XPO6: variants seen among roughly 807,000 people sequenced by gnomAD.
The protein encoded by XPO6 is exportin-6.
A neutral mutation model predicts 130.0 loss-of-function variants in XPO6; 3 were observed. The observed-to-expected ratio is 0.02, with a 90% CI of 0.01 to 0.06. The LOEUF (loss-of-function observed/expected upper bound fraction) is 0.06, where lower values mean the gene tolerates loss of function less well. Among genes scored for constraint, XPO6 ranks in the 10% least tolerant of loss-of-function variants. The pLI, the probability that XPO6 is intolerant of heterozygous loss-of-function variation, is 1.00. For missense variants in XPO6, 970 were observed against 1,393.0 expected (o/e 0.70, Z 4.83); for synonymous variants, 524 against 548.9 (o/e 0.95, Z 0.63).
chr16:28,120,733 C>T (rs1022854333), intron 14 of XPO6, among the ~76,000 whole-genome samples: 1 of 152,200 alleles, frequency 6.6e-6, no homozygotes, highest in Non-Finnish European at 1.5e-5. Flanking sequence ...AAGTAAGATT[C>T]TCTTTCCATC....
intron 12 of XPO6, among the ~76,000 whole-genome samples, chr16:28,128,867 T>C (rs1056947629): frequency 1.3e-5 from 2 of 152,220 alleles, no homozygotes; most frequent in African/African-American, 4.8e-5. Context: ...CAAAGCCTGC[T>C]GACAGCATGA....
At chr16:28,189,672 C>T (rs984654341) in intron 1 of XPO6, among the ~76,000 whole-genome samples, 3 of 152,300 alleles carry the variant, frequency 2.0e-5, no homozygotes, top group Non-Finnish European at 4.4e-5. Flanking sequence ...GCGCCCACCC[C>T]TCTATTAACA....
At chr16:28,181,189 AG>A in intron 1 of XPO6, 158 bp from the exon 2 acceptor site, 1 of 513,984 alleles carries the variant, frequency 1.9e-6, no homozygotes, top group Non-Finnish European at 3.4e-6. Flanking sequence ...AAAAAACTGA[AG>A]GGAATTTCCC....
At position 28,181,007 on chromosome 16, in the gene XPO6, C is replaced by T; in HGVS notation, c.28G>A (p.Ala10Thr). Residue 10 changes from alanine to threonine, a missense_variant, in exon 2 of 24, where the codon GCA becomes ACA. Ala to Thr is a moderately conservative substitution (Grantham distance 58). Transcript: ENST00000304658. Reference sequence around the variant, plus strand: ...AATTCTGTCATCAGACTTTCCAATGCCCTGAGAGAGGCTTCTTCAGATGCC... The same window carrying T: ...AATTCTGTCATCAGACTTTCCAATGTCCTGAGAGAGGCTTCTTCAGATGCC... MASEEASLRALESLMTEFFH... is the reference protein window; with the variant it reads MASEEASLRTLESLMTEFFH... 1 of 1,612,994 alleles carries T rather than the reference C, an allele frequency of 6.2e-7. No individual in the cohort carries two copies. The highest frequency in any genetic ancestry group is 1.7e-5 in the Admixed American group (1 of 59,904).
Position 28,098,406 on chromosome 16 carries a change from G to A in XPO6, c.*132C>T, listed in dbSNP as rs2086579888. On this transcript the variant is annotated 3_prime_UTR_variant, in exon 24 of 24. Transcript: ENST00000304658. ...GGCAAGATGTGGAGGAGCGGCAGAG[G>A]CAGGCAGCGTTGCTTGCGGTGGGAG... 3 of 736,384 alleles carry A rather than the reference G, an allele frequency of 4.1e-6. No individual in the cohort carries two copies. The highest frequency in any genetic ancestry group is 4.0e-4 in the Middle Eastern group (1 of 2,530). 45.6% of individuals were successfully genotyped at this position (736,384 alleles called of 1,614,324 possible). A position where few individuals can be genotyped will look rare whatever the true frequency, so the allele number is the denominator to read the frequency against.
At chr16:28,167,065 T>G in intron 5 of XPO6, 2 of 896,210 alleles carry the variant, frequency 2.2e-6, no homozygotes, top group Non-Finnish European at 2.7e-6. Flanking sequence ...ACTGACCTGC[T>G]TCTCCTCTCA....
chr16:28,196,741 T>C (rs775152750), intron 1 of XPO6, among the ~76,000 whole-genome samples: 9 of 152,150 alleles, frequency 5.9e-5, no homozygotes, highest in Non-Finnish European at 8.8e-5. Flanking sequence ...TAAATTCTCA[T>C]TCTCCTAGTT....
chr16:28,124,901 G>T (rs1297325352), intron 13 of XPO6, among the ~76,000 whole-genome samples: 1 of 152,182 alleles, frequency 6.6e-6, no homozygotes, highest in South Asian at 2.1e-4. Flanking sequence ...GCCAGTCGAA[G>T]CATCAGGTGT....
chr16:28,130,799 C>A (rs1378095502), intron 12 of XPO6, among the ~76,000 whole-genome samples: 2 of 152,206 alleles, frequency 1.3e-5, no homozygotes, highest in African/African-American at 4.8e-5. Context: ...GAATTATCAG[C>A]TATGTCCCAG....
At chr16:28,203,182 G>C (rs2043977817) in intron 1 of XPO6, among the ~76,000 whole-genome samples, 1 of 151,956 alleles carries the variant, frequency 6.6e-6, no homozygotes, top group East Asian at 1.9e-4. Context: ...GGCTGAGGTG[G>C]GAGGATCGCG....
intron 9 of XPO6, 127 bp from the exon 10 acceptor site, chr16:28,135,451 T>C (rs2042756993): frequency 4.2e-6 from 3 of 721,850 alleles, no homozygotes; most frequent in Non-Finnish European, 4.6e-6. Flanking sequence ...TCGAAATTCC[T>C]GAGGCTGAGT....
intron 9 of XPO6, among the ~76,000 whole-genome samples, chr16:28,145,201 C>T (rs1163214134): frequency 6.6e-6 from 1 of 152,158 alleles, no homozygotes; most frequent in African/African-American, 2.4e-5. Flanking sequence ...TTCTTTGCCT[C>T]CTTCATGACT....
intron 21 of XPO6, among the ~76,000 whole-genome samples, chr16:28,102,598 C>T (rs955246144): frequency 1.2e-4 from 19 of 152,020 alleles, no homozygotes; most frequent in African/African-American, 3.6e-4. Flanking sequence ...ATTAGCCAGG[C>T]GTGGTGGCGG....
intron 2 of XPO6, among the ~76,000 whole-genome samples, chr16:28,179,555 T>G (rs2043584056): frequency 6.6e-6 from 1 of 152,190 alleles, no homozygotes. Flanking sequence ...TCCCCCTTGA[T>G]GCTTCTGTTT....
chr16:28,132,885 A>C lies in XPO6; in HGVS notation c.1537-482T>G, dbSNP rs1041223219. On this transcript the variant is annotated intron_variant, in intron 11 of 23. Coordinates refer to ENST00000304658, the MANE Select transcript of XPO6 (RefSeq NM_015171.4). This position sits in a 1 kb window ranked among gnomAD's most constrained non-coding sequence, Gnocchi z 4.0. ...TGGAAGTCAGTTCCCTGGCTCAAGTAGCGGTCAGAACGTCATAACCGGAGC... is the reference window on the plus strand; with the variant it reads ...TGGAAGTCAGTTCCCTGGCTCAAGTCGCGGTCAGAACGTCATAACCGGAGC... Among the ~76,000 whole-genome samples, 1 of 152,234 alleles carries C rather than the reference A, an allele frequency of 6.6e-6. No individual in the cohort carries two copies. The highest frequency in any genetic ancestry group is 1.5e-5 in the Non-Finnish European group (1 of 68,046).
intron 12 of XPO6, among the ~76,000 whole-genome samples, chr16:28,129,493 T>G (rs532503853): frequency 1.1e-4 from 17 of 152,244 alleles, no homozygotes; most frequent in African/African-American, 3.6e-4. Flanking sequence ...CAAAACATCA[T>G]GGCCACACAA....
intron 1 of XPO6, among the ~76,000 whole-genome samples, chr16:28,197,579 C>T (rs1261668954): frequency 6.6e-6 from 1 of 152,020 alleles, no homozygotes; most frequent in Non-Finnish European, 1.5e-5. Context: ...GAAGAATAAA[C>T]TCGTGTAACC....
chr16:28,152,641 A>G lies in XPO6; in HGVS notation c.1224+18T>C. 8 of 1,598,474 alleles carry G rather than the reference A, an allele frequency of 5.0e-6. No homozygotes were observed. The highest frequency in any genetic ancestry group is 6.0e-6 in the Non-Finnish European group (7 of 1,176,150). ...TAAACCTTTTCTCTGGAAGGGAAGGATGACTTTGGTGCTTTACCTGATGAA... is the reference window on the plus strand; with the variant it reads ...TAAACCTTTTCTCTGGAAGGGAAGGGTGACTTTGGTGCTTTACCTGATGAA... On this transcript the variant is annotated intron_variant, in intron 8 of 23. Transcript: ENST00000304658.
intron 5 of XPO6, among the ~76,000 whole-genome samples, chr16:28,169,406 T>A (rs2043414121): frequency 6.6e-6 from 1 of 152,176 alleles, no homozygotes; most frequent in Admixed American, 6.5e-5. Context: ...CTTCTCCTGA[T>A]CTTCAATTCA....
Sources: gnomAD v4.1 joint callset for allele counts (sites outside exome capture counted in the v4.1 genomes callset) on GRCh38, gnomAD v4.1.1 for gene constraint, Gnocchi (gnomAD v3.1) non-coding constraint, MANE v1.5 for transcripts, NCBI Gene and HGNC (gene_info 2026-07-23, HGNC 2026-07-21) for gene names.